The following EPB41L2 variants were observed in gnomAD, a reference collection of about 807,000 sequenced individuals.
EPB41L2 encodes the protein erythrocyte membrane protein band 4.1 like 2.
EPB41L2 carries 43 observed loss-of-function variants against 113.0 expected under a neutral mutation model. The observed-to-expected ratio is 0.38, with a 90% CI of 0.30 to 0.49. EPB41L2 has a LOEUF of 0.49. EPB41L2 is among the 20% of genes least tolerant of loss of function. The pLI is 0.95. For synonymous variants in EPB41L2, 442 were observed against 436.7 expected, an observed-to-expected ratio of 1.01 and a Z score of -0.15; for missense variants, 1,147 against 1,223.4, an observed-to-expected ratio of 0.94 and a Z score of 0.93.
intron 1 of EPB41L2, among the ~76,000 whole-genome samples, chr6:130,977,584 C>T (rs1778467406): frequency 6.6e-6 from 1 of 152,124 alleles, no homozygotes; most frequent in African/African-American, 2.4e-5. Context: ...ACAATGCTCC[C>T]CAGCTCTGCT....
chr6:130,911,316 C>G (rs1799316541), intron 4 of EPB41L2, among the ~76,000 whole-genome samples: 1 of 152,012 alleles, frequency 6.6e-6, no homozygotes, highest in South Asian at 2.1e-4. Context: ...GGGAGCTGAA[C>G]AATGAGAACA....
chr6:130,862,999 T>C (rs1412117540), intron 18 of EPB41L2, among the ~76,000 whole-genome samples: 1 of 152,242 alleles, frequency 6.6e-6, no homozygotes, highest in Non-Finnish European at 1.5e-5. Flanking sequence ...CACTTGGGAC[T>C]GCAGTCTAAA....
At chr6:130,891,817 T>A (rs1433010763) in intron 10 of EPB41L2, among the ~76,000 whole-genome samples, 1 of 152,182 alleles carries the variant, frequency 6.6e-6, no homozygotes, top group Non-Finnish European at 1.5e-5. Context: ...AATTAATAGA[T>A]CTGTTTACAG....
intron 2 of EPB41L2, 115 bp downstream of exon 2, chr6:130,955,879 C>G: frequency 6.7e-7 from 1 of 1,493,818 alleles, no homozygotes; most frequent in Non-Finnish European, 8.9e-7. Context: ...ATACATTAAG[C>G]TAAAGCAGTA....
intron 11 of EPB41L2, among the ~76,000 whole-genome samples, chr6:130,889,662 T>G (rs1388288891): frequency 6.6e-6 from 1 of 152,210 alleles, no homozygotes; most frequent in East Asian, 1.9e-4. Context: ...AAGGTTCATA[T>G]GCTACCATAC....
chr6:130,979,034 G>A (rs1363279582), intron 1 of EPB41L2, among the ~76,000 whole-genome samples: 1 of 152,172 alleles, frequency 6.6e-6, no homozygotes, highest in Non-Finnish European at 1.5e-5. Flanking sequence ...GGGGAGTGGA[G>A]GAGACAGGAC....
At chr6:130,918,349 A>C (rs935146167) in intron 4 of EPB41L2, among the ~76,000 whole-genome samples, 1 of 152,148 alleles carries the variant, frequency 6.6e-6, no homozygotes, top group Non-Finnish European at 1.5e-5. Context: ...ATGACGTTAT[A>C]ATGTCATTTT....
At chr6:130,980,168 G>A (rs1002517226) in intron 1 of EPB41L2, among the ~76,000 whole-genome samples, 2 of 152,150 alleles carry the variant, frequency 1.3e-5, no homozygotes, top group Admixed American at 1.3e-4. Context: ...GTGGCTAGGA[G>A]AAGAAAAATC....
rs183019770 is a variant in EPB41L2 at position 130,867,410 on chromosome 6, C to G, written c.2730+49G>C. The G allele has an allele frequency of 1.7e-4, 265 of 1,592,700 alleles. 3 individuals carry two copies. The Middle Eastern group carries it at 5.9e-3, about 35-fold the overall frequency. On this transcript the variant is annotated intron_variant, in intron 16 of 19. Transcript: ENST00000337057. ...AGAAGAAAGAATGAAAACATAGATA[C>G]ACTAAGGGAAAAAAGAGCTCGAACA...
chr6:130,996,151 A>G (rs1261197748), intron 1 of EPB41L2, among the ~76,000 whole-genome samples: 1 of 152,176 alleles, frequency 6.6e-6, no homozygotes, highest in African/African-American at 2.4e-5. Flanking sequence ...ACATCCATAT[A>G]AAGAGTTGGT....
At chr6:130,972,567 C>T (rs1307443765) in intron 1 of EPB41L2, among the ~76,000 whole-genome samples, 1 of 150,732 alleles carries the variant, frequency 6.6e-6, no homozygotes, top group African/African-American at 2.4e-5. Flanking sequence ...TTTCCCAACA[C>T]ACATATTTGC....
chr6:130,853,619 C>T (rs946979675), intron 19 of EPB41L2, among the ~76,000 whole-genome samples: 1 of 152,174 alleles, frequency 6.6e-6, no homozygotes, highest in Non-Finnish European at 1.5e-5. Flanking sequence ...AGCTGGCTGC[C>T]ATCCACTGAG....
chr6:131,022,268 A>T (rs1333696150), intron 1 of EPB41L2, among the ~76,000 whole-genome samples: 1 of 152,082 alleles, frequency 6.6e-6, no homozygotes, highest in Non-Finnish European at 1.5e-5. Flanking sequence ...GGTAATGGCC[A>T]CCTACCCCTT....
At chr6:131,010,039 G>A (rs938870516) in intron 1 of EPB41L2, among the ~76,000 whole-genome samples, 12 of 152,212 alleles carry the variant, frequency 7.9e-5, no homozygotes, top group South Asian at 4.1e-4. Context: ...GCCTTTCGCT[G>A]AAAGAAACAG....
At chr6:130,849,457 A>T (rs1475461766) in intron 19 of EPB41L2, among the ~76,000 whole-genome samples, 1 of 152,168 alleles carries the variant, frequency 6.6e-6, no homozygotes, top group Non-Finnish European at 1.5e-5. Flanking sequence ...TAAGAGGTTA[A>T]TAACTTTAAT....
chr6:130,862,713 A>G (rs992239419), intron 18 of EPB41L2, among the ~76,000 whole-genome samples: 41 of 152,232 alleles, frequency 2.7e-4, no homozygotes, highest in African/African-American at 9.7e-4. Context: ...AAGGTCAAAA[A>G]AATTGGGAGT....
intron 11 of EPB41L2, among the ~76,000 whole-genome samples, chr6:130,886,604 G>C (rs1200709207): frequency 6.6e-6 from 1 of 150,472 alleles, no homozygotes; most frequent in Non-Finnish European, 1.5e-5. Flanking sequence ...ATTAAGTATA[G>C]TTATTTTCCA....
At chr6:130,938,936 T>C (rs141311618) in intron 3 of EPB41L2, among the ~76,000 whole-genome samples, 4 of 152,280 alleles carry the variant, frequency 2.6e-5, no homozygotes, top group African/African-American at 9.6e-5. Flanking sequence ...GCTTAGAACA[T>C]TTTTTGTATT....
At chr6:130,889,496 C>A (rs928359905) in intron 11 of EPB41L2, among the ~76,000 whole-genome samples, 5 of 137,824 alleles carry the variant, frequency 3.6e-5, no homozygotes, top group Admixed American at 1.4e-4. Context: ...GGCTAAAGAA[C>A]AAACAAACAC....
Sources: allele counts gnomAD v4.1 joint callset (sites outside exome capture counted in the v4.1 genomes callset), GRCh38; gene constraint gnomAD v4.1.1; transcripts MANE v1.5; gene names NCBI Gene and HGNC (gene_info 2026-07-23, HGNC 2026-07-21).